RBBP4: variants seen among roughly 807,000 people sequenced by gnomAD.
RBBP4 encodes the protein RB binding protein 4, chromatin remodeling factor, also known as histone-binding protein RBBP4.
RBBP4 carries 3 observed loss-of-function variants against 57.2 expected under a neutral mutation model. The ratio of observed to expected loss-of-function variants is 0.05; its 90% CI spans 0.02 to 0.14. The LOEUF (loss-of-function observed/expected upper bound fraction) is 0.14. RBBP4 is among the 10% of genes least tolerant of loss of function. RBBP4 has a pLI of 1.00. For synonymous variants in RBBP4, 151 were observed against 171.5 expected, an observed-to-expected ratio of 0.88 and a Z score of 0.93; for missense variants, 107 against 520.6, an observed-to-expected ratio of 0.21 and a Z score of 7.73.
chr1:32,664,032 T>C (rs1173609405), intron 3 of RBBP4, among the ~76,000 whole-genome samples: 6 of 151,454 alleles, frequency 4.0e-5, no homozygotes, highest in African/African-American at 1.5e-4. Flanking sequence ...GTTCATGCCA[T>C]TCTCCTGCCT....
intron 8 of RBBP4, among the ~76,000 whole-genome samples, chr1:32,670,910 A>T (rs900234243): frequency 6.6e-6 from 1 of 152,088 alleles, no homozygotes. Flanking sequence ...CTTATTTTCT[A>T]CTTTTCAGCC....
intron 3 of RBBP4, among the ~76,000 whole-genome samples, chr1:32,664,348 A>G (rs915730189): frequency 1.1e-4 from 16 of 152,100 alleles, no homozygotes; most frequent in African/African-American, 3.6e-4. Context: ...GAAATAACCA[A>G]TGTTATGTAG....
Position 32,657,611 on chromosome 1 carries a change from G to A in RBBP4, c.310+39G>A, listed in dbSNP as rs748397218. On this transcript the variant is annotated intron_variant, in intron 3 of 11. Coordinates refer to ENST00000373493, the MANE Select transcript of RBBP4 (RefSeq NM_005610.3). ...AGGTGAAAGAAGTAAAGATGTGTGG[G>A]TCATATCTGTTATGTGCACTTTGAT... The A allele has an allele frequency of 2.5e-6, 4 of 1,598,296 alleles. No individual in the cohort carries two copies. In the African/African-American group the frequency reaches 5.4e-5, roughly 21 times the overall value.
At chr1:32,654,352 T>C (rs903201267) in intron 2 of RBBP4, among the ~76,000 whole-genome samples, 2 of 152,180 alleles carry the variant, frequency 1.3e-5, no homozygotes, top group Admixed American at 1.3e-4. Context: ...CACTCCAGCC[T>C]GAGCTAGGGA....
intron 11 of RBBP4, among the ~76,000 whole-genome samples, chr1:32,674,118 G>A (rs986469292): frequency 1.3e-5 from 2 of 152,106 alleles, no homozygotes; most frequent in Non-Finnish European, 2.9e-5. Context: ...ATATATATAT[G>A]TATATATTCC....
At chr1:32,658,011 C>T (rs1373659662) in intron 3 of RBBP4, among the ~76,000 whole-genome samples, 1 of 152,034 alleles carries the variant, frequency 6.6e-6, no homozygotes, top group Non-Finnish European at 1.5e-5. Context: ...CGCCACCACG[C>T]CTAGTTAATT....
rs201131556 is a variant in RBBP4 at position 32,672,541 on chromosome 1, C to T, written c.1043+15C>T. The T allele has an allele frequency of 5.0e-6, 8 of 1,599,196 alleles. No individual in the cohort carries two copies. The Admixed American group carries it at 1.2e-4, about 23-fold the overall frequency. On this transcript the variant is annotated intron_variant, in intron 9 of 11. Coordinates refer to ENST00000373493, the MANE Select transcript of RBBP4 (RefSeq NM_005610.3). Reference sequence around the variant, plus strand: ...TGGGATTTAAGGTAATTCTTGTATTCATTCCTCTCTCTACATAATTATTTC... The same window carrying T: ...TGGGATTTAAGGTAATTCTTGTATTTATTCCTCTCTCTACATAATTATTTC...
intron 1 of RBBP4, 160 bp downstream of exon 1, chr1:32,651,482 G>T: frequency 1.5e-6 from 2 of 1,363,940 alleles, no homozygotes; most frequent in South Asian, 2.0e-5. Context: ...CTAACGGCTC[G>T]CCAGTTCCCT....
intron 2 of RBBP4, among the ~76,000 whole-genome samples, chr1:32,653,690 CCT>C (rs1465083767): frequency 2.8e-5 from 3 of 107,478 alleles, no homozygotes; most frequent in African/African-American, 7.2e-5. Flanking sequence ...GACGGAGTCT[CCT>C]CTCTTGCCCA....
intron 3 of RBBP4, among the ~76,000 whole-genome samples, 176 bp from the exon 4 acceptor site, chr1:32,668,049 A>G (rs1261034995): frequency 6.6e-6 from 1 of 152,000 alleles, no homozygotes; most frequent in Non-Finnish European, 1.5e-5. Context: ...TTATTTAACT[A>G]CCTGGAGTCA....
chr1:32,681,725 G>C lies in RBBP4; in HGVS notation c.*2020G>C, dbSNP rs1649448708. 2.7e-6 allele frequency: 4 copies of C among 1,509,262 alleles called. No individual in the cohort carries two copies. In the African/African-American group the frequency reaches 5.5e-5, roughly 21 times the overall value. 93.5% of individuals were successfully genotyped at this position (1,509,262 alleles called of 1,614,324 possible). On this transcript the variant is annotated 3_prime_UTR_variant, in exon 12 of 12. Coordinates refer to ENST00000373493, the MANE Select transcript of RBBP4 (RefSeq NM_005610.3). The stretch of plus-strand genomic sequence containing the variant: ...CAGCCAGTATTTGCAACTTCCACAG[G>C]ATGAATTGCTTGCCAAGTTTCTGGC...
At chr1:32,671,176 C>T (rs572625857) in intron 8 of RBBP4, among the ~76,000 whole-genome samples, 4 of 152,228 alleles carry the variant, frequency 2.6e-5, no homozygotes, top group South Asian at 4.1e-4. Flanking sequence ...ATATGTAATA[C>T]AGAACTCATA....
intron 11 of RBBP4, among the ~76,000 whole-genome samples, chr1:32,676,777 A>G (rs1428691922): frequency 6.6e-6 from 1 of 152,038 alleles, no homozygotes; most frequent in Non-Finnish European, 1.5e-5. Context: ...TCCCTTCAAT[A>G]TTAATACAGA....
chr1:32,658,002 G>C (rs1648218417), intron 3 of RBBP4, among the ~76,000 whole-genome samples: 1 of 151,896 alleles, frequency 6.6e-6, no homozygotes, highest in South Asian at 2.1e-4. Flanking sequence ...ACAGGCGCCC[G>C]CCACCACGCC....
chr1:32,680,387 C>A lies in RBBP4; in HGVS notation c.*682C>A. 4.3e-6 allele frequency: 5 copies of A among 1,156,100 alleles called. No individual in the cohort carries two copies. The highest frequency in any genetic ancestry group is 4.1e-5 in the East Asian group (1 of 24,366). 71.6% of individuals were successfully genotyped at this position (1,156,100 alleles called of 1,614,324 possible). A position where few individuals can be genotyped will look rare whatever the true frequency, so the allele number is the denominator to read the frequency against. ...TTTTTTTTTTTTTTTAACTTGGGACCACCAAGTTGTAAAGATGTATGTTTT... is the reference window on the plus strand; with the variant it reads ...TTTTTTTTTTTTTTTAACTTGGGACAACCAAGTTGTAAAGATGTATGTTTT... On this transcript the variant is annotated 3_prime_UTR_variant, in exon 12 of 12. Transcript: ENST00000373493.
At position 32,665,591 on chromosome 1, in the gene RBBP4, T is replaced by C. The variant is rs948941168; in HGVS notation, c.311-2634T>C. 2.0e-5 allele frequency among the ~76,000 whole-genome samples: 3 copies of C among 150,388 alleles called. No individual in the cohort carries two copies. The East Asian group carries it at 5.9e-4, about 30-fold the overall frequency. On this transcript the variant is annotated intron_variant, in intron 3 of 11. Transcript: ENST00000373493. Reference sequence around the variant, plus strand: ...TACTCAGGGGGCTGAGGCAGGAGAATCGCTTGAACCCAGGAGGCAGAGGTT... The same window carrying C: ...TACTCAGGGGGCTGAGGCAGGAGAACCGCTTGAACCCAGGAGGCAGAGGTT...
chr1:32,677,121 T>C (rs1649137460), intron 11 of RBBP4, among the ~76,000 whole-genome samples: 1 of 152,188 alleles, frequency 6.6e-6, no homozygotes. Context: ...TGCAGAGTGC[T>C]AGGAGTGTCT....
chr1:32,662,701 C>A (rs1190351236), intron 3 of RBBP4, among the ~76,000 whole-genome samples: 1 of 151,684 alleles, frequency 6.6e-6, no homozygotes, highest in African/African-American at 2.4e-5. Context: ...GAAGTGATAT[C>A]TCAGCCCAGG....
chr1:32,680,202 A>G lies in RBBP4; in HGVS notation c.*497A>G. The G allele has an allele frequency of 1.8e-6, 2 of 1,117,366 alleles. No homozygotes were observed. The highest frequency in any genetic ancestry group is 1.6e-5 in the African/African-American group (1 of 60,954). The allele number at this position is 1,117,366 out of a possible 1,614,324, so 69.2% of individuals were successfully genotyped here. ...TTCCAGGATGCACATTTTCATACGT[A>G]GACCAGTTTCCTCTTGGTTTCTTCA... On this transcript the variant is annotated 3_prime_UTR_variant, in exon 12 of 12. Coordinates refer to ENST00000373493, the MANE Select transcript of RBBP4 (RefSeq NM_005610.3).
Sources: allele counts gnomAD v4.1 joint callset (sites outside exome capture counted in the v4.1 genomes callset), GRCh38; gene constraint gnomAD v4.1.1; transcripts MANE v1.5; gene names NCBI Gene and HGNC (gene_info 2026-07-23, HGNC 2026-07-21).